Variants in EYA4 observed in about 807,000 individuals in gnomAD.
EYA4 encodes protein phosphatase EYA4.
EYA4 carries 31 observed loss-of-function variants against 87.9 expected under a neutral mutation model. The ratio of observed to expected loss-of-function variants is 0.35; its 90% CI spans 0.27 to 0.48. EYA4 has a LOEUF of 0.48. Among genes scored for constraint, EYA4 ranks in the 20% least tolerant of loss-of-function variants. The pLI is 0.99. For synonymous variants in EYA4, 263 were observed against 270.6 expected (o/e 0.97, Z 0.28); for missense variants, 678 against 761.4 (o/e 0.89, Z 1.29).
chr6:133,346,690 G>T (rs888388482), intron 2 of EYA4, among the ~76,000 whole-genome samples: 2 of 151,920 alleles, frequency 1.3e-5, no homozygotes, highest in Non-Finnish European at 2.9e-5. Context: ...CTTTCATCTG[G>T]CAGGTATGCT....
intron 5 of EYA4, among the ~76,000 whole-genome samples, chr6:133,451,236 A>G (rs1793412727): frequency 6.6e-6 from 1 of 152,236 alleles, no homozygotes; most frequent in African/African-American, 2.4e-5. Context: ...ATGTCACAAA[A>G]TATTCTCCTT....
At chr6:133,460,729 A>G (rs1246174637) in intron 6 of EYA4, among the ~76,000 whole-genome samples, 1 of 152,126 alleles carries the variant, frequency 6.6e-6, no homozygotes, top group African/African-American at 2.4e-5. Context: ...AGCAATATGT[A>G]TATATTGCCA....
chr6:133,521,931 C>T (rs964086444), intron 17 of EYA4, among the ~76,000 whole-genome samples: 1 of 133,842 alleles, frequency 7.5e-6, no homozygotes, highest in Admixed American at 7.8e-5. Context: ...CACATGGACA[C>T]AGGAAGGGGA....
At chr6:133,276,901 C>CAAAAAAAAAAAAAAA (rs3065337) in intron 2 of EYA4, among the ~76,000 whole-genome samples, 1 of 133,690 alleles carries the variant, frequency 7.5e-6, no homozygotes. Context: ...ATAGAAATGT[C>CAAAAAAAAAAAAAAA]AAAAAAAAAA....
chr6:133,450,487 C>T (rs773878875), intron 5 of EYA4, among the ~76,000 whole-genome samples: 11 of 151,992 alleles, frequency 7.2e-5, no homozygotes, highest in African/African-American at 2.2e-4. Flanking sequence ...TCCAATAACT[C>T]GAGATGTTCA....
chr6:133,438,099 A>G (rs1425467584), intron 3 of EYA4, among the ~76,000 whole-genome samples: 2 of 152,170 alleles, frequency 1.3e-5, no homozygotes, highest in African/African-American at 4.8e-5. Flanking sequence ...ATCACAAAAC[A>G]TATAAAAGGA....
chr6:133,512,812 C>T, intron 15 of EYA4, 33 bp downstream of exon 15: 1 of 1,611,570 alleles, frequency 6.2e-7, no homozygotes, highest in Non-Finnish European at 8.5e-7. Flanking sequence ...CTGTTTCCTA[C>T]AGAAATTCGG....
chr6:133,240,987 G>T (rs1262961254), upstream of EYA4: 1 of 151,886 alleles, frequency 6.6e-6, no homozygotes, highest in Non-Finnish European at 1.5e-5. Flanking sequence ...GAGCGCGGTC[G>T]CGGGTCCCTC....
In EYA4 at chr6:133,529,141, T is replaced by C; in HGVS notation, c.*336T>C. 1 of 1,185,200 alleles carries C rather than the reference T, an allele frequency of 8.4e-7. No individual in the cohort carries two copies. Among genetic ancestry groups the C allele is most frequent in the East Asian group, 5.8e-5 (1 of 17,276 alleles). 73.4% of individuals were successfully genotyped at this position (1,185,200 alleles called of 1,614,324 possible). On this transcript the variant is annotated 3_prime_UTR_variant, in exon 20 of 20. Transcript: ENST00000355286. ...AAAGCAGCAACACACATGCTCCGTC[T>C]GACAAGGTGGTCAACAACATTCCTC...
intron 3 of EYA4, among the ~76,000 whole-genome samples, chr6:133,426,555 C>T (rs1246702012): frequency 6.6e-6 from 1 of 152,196 alleles, no homozygotes; most frequent in Non-Finnish European, 1.5e-5. Context: ...ATTAGCTAGA[C>T]TAATCTTGCA....
At chr6:133,326,817 G>A (rs530834475) in intron 2 of EYA4, among the ~76,000 whole-genome samples, 10 of 152,272 alleles carry the variant, frequency 6.6e-5, no homozygotes, top group African/African-American at 1.4e-4. Context: ...TTTAAGTACC[G>A]GTGACGTCGT....
chr6:133,448,355 A>C (rs906429220), intron 5 of EYA4, among the ~76,000 whole-genome samples, 176 bp downstream of exon 5: 1 of 152,198 alleles, frequency 6.6e-6, no homozygotes, highest in Non-Finnish European at 1.5e-5. Flanking sequence ...TTTCTTATCA[A>C]TCTGTATTCT....
At chr6:133,499,119 C>G (rs549714003) in intron 13 of EYA4, among the ~76,000 whole-genome samples, 25 of 152,216 alleles carry the variant, frequency 1.6e-4, no homozygotes, top group African/African-American at 5.3e-4. Flanking sequence ...GTTTTCAGTT[C>G]CTTTGATCTC....
intron 1 of EYA4, among the ~76,000 whole-genome samples, chr6:133,250,543 G>A (rs1774811308): frequency 6.6e-6 from 1 of 152,152 alleles, no homozygotes; most frequent in African/African-American, 2.4e-5. Context: ...TCGGGAGGCT[G>A]AGGCAGGAGA....
intron 3 of EYA4, among the ~76,000 whole-genome samples, chr6:133,438,441 A>G (rs1241951438): frequency 1.4e-5 from 2 of 147,560 alleles, no homozygotes; most frequent in Non-Finnish European, 3.0e-5. Context: ...GAGCCCCTAC[A>G]CTACTTTGTG....
At chr6:133,252,713 TTATAAA>T (rs1368131250) in intron 1 of EYA4, among the ~76,000 whole-genome samples, 2 of 152,162 alleles carry the variant, frequency 1.3e-5, no homozygotes, top group African/African-American at 4.8e-5. Flanking sequence ...AACATTAATA[TTATAAA>T]TATATGATTA....
intron 13 of EYA4, among the ~76,000 whole-genome samples, chr6:133,496,246 G>A (rs1287225743): frequency 6.6e-6 from 1 of 152,078 alleles, no homozygotes; most frequent in African/African-American, 2.4e-5. Context: ...AAATTATTAT[G>A]GGTCCTTAAA....
In EYA4 at chr6:133,530,159, C is replaced by T. The variant is rs895186297; in HGVS notation, c.*1354C>T. ...AATTAAATTAGCAAGTGCGCTGGAT[C>T]TTGGCAGCGCTGCTGAAATGACAAC... On this transcript the variant is annotated 3_prime_UTR_variant, in exon 20 of 20. Coordinates refer to ENST00000355286, the MANE Select transcript of EYA4 (RefSeq NM_004100.5). 1.1e-5 allele frequency: 11 copies of T among 984,834 alleles called. No homozygotes were observed. The highest frequency in any genetic ancestry group is 1.1e-4 in the East Asian group (1 of 8,820). The allele number at this position is 984,834 out of a possible 1,614,324, so 61.0% of individuals were successfully genotyped here. A position where few individuals can be genotyped will look rare whatever the true frequency, so the allele number is the denominator to read the frequency against.
intron 5 of EYA4, among the ~76,000 whole-genome samples, chr6:133,450,653 G>A (rs187058613): frequency 6.7e-4 from 102 of 152,218 alleles, no homozygotes; most frequent in African/African-American, 2.3e-3. Context: ...ACAGACACAC[G>A]CCACCACGCC....
Sources: gnomAD v4.1 joint callset for allele counts (sites outside exome capture counted in the v4.1 genomes callset) on GRCh38, gnomAD v4.1.1 for gene constraint, MANE v1.5 for transcripts, NCBI Gene and HGNC (gene_info 2026-07-23, HGNC 2026-07-21) for gene names.